PGM3: variants seen among roughly 807,000 people sequenced by gnomAD.
The protein encoded by PGM3 is phosphoacetylglucosamine mutase.
Under a neutral mutation model 66.2 loss-of-function variants are expected in PGM3, and 40 were observed. The ratio of observed to expected loss-of-function variants is 0.60; its 90% CI spans 0.47 to 0.79. PGM3 has a LOEUF of 0.79. Ranked by LOEUF, PGM3 falls within the 30% of genes least tolerant of loss-of-function variation. The pLI, the probability that PGM3 is intolerant of heterozygous loss-of-function variation, is 0.00. For synonymous variants in PGM3, 191 were observed against 224.2 expected, an observed-to-expected ratio of 0.85 and a Z score of 1.32; for missense variants, 537 against 643.4, an observed-to-expected ratio of 0.83 and a Z score of 1.79.
chr6:83,193,638 C>T (rs963448328), upstream of PGM3, among the ~76,000 whole-genome samples: 1 of 152,156 alleles, frequency 6.6e-6, no homozygotes, highest in African/African-American at 2.4e-5. Flanking sequence ...CGCTGGGCCT[C>T]GGACAGGGCG....
chr6:83,150,306 G>A, the PGM3 span, among the ~76,000 whole-genome samples: 2 of 152,160 alleles, frequency 1.3e-5, no homozygotes, highest in Non-Finnish European at 2.9e-5. Flanking sequence ...TGTATGTACA[G>A]GTGTTGGAAT....
At position 83,167,858 on chromosome 6, in the gene PGM3, G is replaced by A; in HGVS notation, c.*1376C>T. 6 of 1,591,740 alleles carry A rather than the reference G, an allele frequency of 3.8e-6. 1 individual carries two copies. The highest frequency in any genetic ancestry group is 2.2e-5 in the East Asian group (1 of 44,570). ...AATACCAGTTCACTTTTTGTTTTCT[G>A]CAGAAAAATCCAGAGGAAGACAACT... is the stretch of plus-strand genomic sequence containing the variant. On this transcript the variant is annotated 3_prime_UTR_variant, in exon 13 of 13. Coordinates refer to ENST00000513973, the MANE Select transcript of PGM3 (RefSeq NM_015599.3).
At position 83,168,725 on chromosome 6, in the gene PGM3, C is replaced by T; in HGVS notation, c.*509G>A. On this transcript the variant is annotated 3_prime_UTR_variant, in exon 13 of 13. Coordinates refer to ENST00000513973, the MANE Select transcript of PGM3 (RefSeq NM_015599.3). ...AGGGATGGACAACCCCCTATTCATACCTCTGAGTTCCTGATGGCATTAGTC... is the reference window on the plus strand; with the variant it reads ...AGGGATGGACAACCCCCTATTCATATCTCTGAGTTCCTGATGGCATTAGTC... 2 of 997,142 alleles carry T rather than the reference C, an allele frequency of 2.0e-6. No individual in the cohort carries two copies. Among genetic ancestry groups the T allele is most frequent in the South Asian group, 8.8e-5 (2 of 22,624 alleles). 61.8% of individuals were successfully genotyped at this position (997,142 alleles called of 1,614,324 possible).
In PGM3 at chr6:83,173,519, ATC is replaced by A. The variant is rs143561503; in HGVS notation, c.1242+853_1242+854del. Among the ~76,000 whole-genome samples, 597 of 152,028 alleles carry A rather than the reference ATC, an allele frequency of 3.9e-3. 3 individuals are homozygous for A. Among genetic ancestry groups the A allele is most frequent in the African/African-American group, 0.014 (569 of 41,336 alleles). Reference sequence around the variant, plus strand: ...TGGTATAAGATATAACTGAAGATAAATCTCTGTTTCTTCACTTATAAAATGGA... The same window carrying A: ...TGGTATAAGATATAACTGAAGATAAATCTGTTTCTTCACTTATAAAATGGA... On this transcript the variant is annotated intron_variant, in intron 10 of 12. Transcript: ENST00000513973.
In PGM3 at chr6:83,165,786, G is replaced by C. The variant is rs144813438; in HGVS notation, c.*3448C>G. On this transcript the variant is annotated 3_prime_UTR_variant, in exon 13 of 13. Coordinates refer to ENST00000513973, the MANE Select transcript of PGM3 (RefSeq NM_015599.3). ...CGTTGGTTGTGCAACGTGCGGCCCA[G>C]TGTTGTCGTGAAAAGAATTGGGCCC... The C allele has an allele frequency of 0.024, 6,883 of 283,026 alleles. 144 individuals are homozygous for C. The highest frequency in any genetic ancestry group is 0.073 in the Middle Eastern group (57 of 786). 17.5% of individuals were successfully genotyped at this position (283,026 alleles called of 1,614,324 possible).
At chr6:83,148,716 C>G in the PGM3 span, 1 of 1,296,316 alleles carries the variant, frequency 7.7e-7, no homozygotes, top group Admixed American at 2.7e-5. Context: ...AGTAGAAAAC[C>G]ATAGTTTATT....
chr6:83,156,371 A>C (rs1782790660), downstream of PGM3, among the ~76,000 whole-genome samples: 1 of 152,198 alleles, frequency 6.6e-6, no homozygotes, highest in South Asian at 2.1e-4. Context: ...GAGGTATAAG[A>C]TGATTTTGCT....
intron 2 of PGM3, among the ~76,000 whole-genome samples, chr6:83,189,991 G>A (rs891247360): frequency 1.4e-4 from 22 of 152,316 alleles, no homozygotes; most frequent in Admixed American, 3.9e-4. Context: ...AAGGGAAATG[G>A]GGAGATGCTG....
chr6:83,154,733 C>T, the PGM3 span, among the ~76,000 whole-genome samples: 3 of 151,954 alleles, frequency 2.0e-5, no homozygotes, highest in Non-Finnish European at 2.9e-5. Context: ...GAATCACCCC[C>T]CACCCCCTCT....
In PGM3 at chr6:83,191,006, A is replaced by T; in HGVS notation, c.7T>A (p.Leu3Ile). MD[L>I]GAITKYSALH... ...GCTGAGTATTTTGTAATAGCACCTA[A>T]ATCCATGTCTACAAAATTAAGAAAT... Residue 3 changes from leucine (L) to isoleucine (I), a missense_variant, in exon 2 of 13, where the codon TTA becomes ATA. Leu to Ile is a conservative substitution (Grantham distance 5, BLOSUM62 2). Transcript: ENST00000513973. 1 of 1,612,160 alleles carries T rather than the reference A, an allele frequency of 6.2e-7. No individual in the cohort carries two copies. The highest frequency in any genetic ancestry group is 1.7e-4 in the Middle Eastern group (1 of 6,060).
At chr6:83,150,277 A>G in the PGM3 span, among the ~76,000 whole-genome samples, 2 of 152,316 alleles carry the variant, frequency 1.3e-5, no homozygotes, top group South Asian at 2.1e-4. Flanking sequence ...AGGAGTTGTC[A>G]TAAGGTTCAG....
rs1202974626 is a variant in PGM3 at position 83,165,654 on chromosome 6, A to C, written c.*3580T>G. ...CTAGTTGTGGAAGCAATTTCCCTGC[A>C]AAACGTTGCTGAGATGCCTAAAGAA... is the stretch of plus-strand genomic sequence containing the variant. On this transcript the variant is annotated 3_prime_UTR_variant, in exon 13 of 13. Coordinates refer to ENST00000513973, the MANE Select transcript of PGM3 (RefSeq NM_015599.3). The C allele has an allele frequency of 4.9e-6, 1 of 203,006 alleles. No individual in the cohort carries two copies. The highest frequency in any genetic ancestry group is 1.1e-5 in the Non-Finnish European group (1 of 94,936). 12.6% of individuals were successfully genotyped at this position (203,006 alleles called of 1,614,324 possible). A position where few individuals can be genotyped will look rare whatever the true frequency, so the allele number is the denominator to read the frequency against.
rs751252811 is a variant in PGM3 at position 83,181,906 on chromosome 6, C to G, written c.617G>C (p.Arg206Thr). The G allele has an allele frequency of 6.2e-7, 1 of 1,603,074 alleles. No homozygotes were observed. ...ATTTGCACAGTCAACCTTAAGTGAT[C>G]TGTATTCATCTCCACTGCAAGAAGC... ...KQASCSGDEYRSLKVDCANGI... is the reference protein window; with the variant it reads ...KQASCSGDEYTSLKVDCANGI... Residue 206 changes from arginine (R) to threonine (T), a missense_variant, in exon 6 of 13, where the codon AGA becomes ACA. Arg to Thr is a moderately conservative substitution (Grantham distance 71). Coordinates refer to ENST00000513973, the MANE Select transcript of PGM3 (RefSeq NM_015599.3).
chr6:83,191,067 C>T (rs1395348601), intron 1 of PGM3, 53 bp from the exon 2 acceptor site: 2 of 1,558,112 alleles, frequency 1.3e-6, no homozygotes, highest in Non-Finnish European at 1.8e-6. Context: ...TCTTAAGAAC[C>T]ATTTGCTTCA....
At chr6:83,169,506 G>T in intron 12 of PGM3, 183 bp from the exon 13 acceptor site, 2 of 651,156 alleles carry the variant, frequency 3.1e-6, no homozygotes, top group South Asian at 4.1e-5. Context: ...TTAAATAAAC[G>T]GAAAACAGAC....
chr6:83,150,465 T>C, the PGM3 span, among the ~76,000 whole-genome samples: 2 of 152,208 alleles, frequency 1.3e-5, no homozygotes, highest in African/African-American at 4.8e-5. Flanking sequence ...TTCTGAATGT[T>C]AAAACAAAAA....
At chr6:83,153,746 A>T in the PGM3 span, 1 of 1,167,170 alleles carries the variant, frequency 8.6e-7, no homozygotes, top group Non-Finnish European at 1.2e-6. Context: ...ATAATTGTTT[A>T]AAAAAATTCA....
At chr6:83,191,885 G>GAGGCT (rs1200349056) in intron 1 of PGM3, among the ~76,000 whole-genome samples, 64 of 150,544 alleles carry the variant, frequency 4.3e-4, no homozygotes, top group African/African-American at 1.6e-3. Flanking sequence ...CAGCTACTCG[G>GAGGCT]GAGGCAGAGG....
At position 83,173,449 on chromosome 6, in the gene PGM3, A is replaced by ATGAT. The variant is rs753923257; in HGVS notation, c.1242+921_1242+924dup. ...ATCCCTTTTGAGATATTACCCCACAATGATTGATAGAAAGCATCAAGGTAA... is the reference window on the plus strand; with the variant it reads ...ATCCCTTTTGAGATATTACCCCACAATGATTGATTGATAGAAAGCATCAAGGTAA... On this transcript the variant is annotated intron_variant, in intron 10 of 12. Transcript: ENST00000513973. Among the ~76,000 whole-genome samples, 4 of 152,290 alleles carry ATGAT rather than the reference A, an allele frequency of 2.6e-5. No individual in the cohort carries two copies. The East Asian group carries it at 5.8e-4, about 22-fold the overall frequency.
Sources: gnomAD v4.1 joint callset for allele counts (sites outside exome capture counted in the v4.1 genomes callset) on GRCh38, gnomAD v4.1.1 for gene constraint, MANE v1.5 for transcripts, NCBI Gene and HGNC (gene_info 2026-07-23, HGNC 2026-07-21) for gene names.